Variants in EIF2AK4 observed in about 807,000 individuals in gnomAD.
EIF2AK4 encodes the protein eukaryotic translation initiation factor 2 alpha kinase 4.
EIF2AK4 carries 139 observed loss-of-function variants against 211.1 expected under a neutral mutation model. The ratio of observed to expected loss-of-function variants is 0.66; its 90% CI spans 0.57 to 0.76. The LOEUF is 0.76. Ranked by LOEUF, EIF2AK4 falls within the 30% of genes least tolerant of loss-of-function variation. EIF2AK4 has a pLI of 0.00. For synonymous variants in EIF2AK4, 710 were observed against 751.3 expected, an observed-to-expected ratio of 0.94 and a Z score of 0.90; for missense variants, 1,664 against 2,043.8, an observed-to-expected ratio of 0.81 and a Z score of 3.58.
chr15:39,934,331 T>G lies in EIF2AK4; in HGVS notation c.136T>G (p.Cys46Gly). Residue 46 changes from cysteine to glycine, a missense_variant, in exon 1 of 39, where the codon TGC becomes GGC. Around this residue, in one of 7 missense-constraint regions of EIF2AK4, gnomAD observed 641 missense variants for 729.6 expected, o/e 0.88. Transcript: ENST00000263791. ...CTTCCAAGACCTGCGGCCGGACGCT[T>G]GCGGACCGGTAGGAACGTGGCTTGT... ...ADFQDLRPDACGPVKEPPEIN... is the reference protein window; with the variant it reads ...ADFQDLRPDAGGPVKEPPEIN... The G allele has an allele frequency of 6.2e-7, 1 of 1,608,344 alleles. No individual in the cohort carries two copies. Among genetic ancestry groups the G allele is most frequent in the South Asian group, 1.1e-5 (1 of 90,064 alleles).
At chr15:40,022,810 T>G (rs997453794) in intron 32 of EIF2AK4, among the ~76,000 whole-genome samples, 1 of 152,062 alleles carries the variant, frequency 6.6e-6, no homozygotes, top group African/African-American at 2.4e-5. Context: ...CTCGGCTCAC[T>G]GCAAGCTCCG....
chr15:39,942,863 G>T (rs774324483), intron 2 of EIF2AK4, among the ~76,000 whole-genome samples: 8 of 152,162 alleles, frequency 5.3e-5, no homozygotes, highest in Non-Finnish European at 1.0e-4. Context: ...ATTTATTCTT[G>T]TTCTGCTTTA....
intron 4 of EIF2AK4, among the ~76,000 whole-genome samples, chr15:39,950,809 T>C (rs1329630000): frequency 6.6e-6 from 1 of 152,068 alleles, no homozygotes; most frequent in South Asian, 2.1e-4. Flanking sequence ...CCATCTGACA[T>C]GAAAGCAGAA....
chr15:40,033,057 T>C (rs895603190), intron 37 of EIF2AK4, among the ~76,000 whole-genome samples: 1 of 152,230 alleles, frequency 6.6e-6, no homozygotes, highest in Non-Finnish European at 1.5e-5. Context: ...AAAACACATA[T>C]ACTGCTTTTA....
At chr15:39,982,812 T>A (rs2034811010) in intron 13 of EIF2AK4, among the ~76,000 whole-genome samples, 2 of 152,172 alleles carry the variant, frequency 1.3e-5, no homozygotes, top group South Asian at 4.1e-4. Context: ...TGGTTTTCTG[T>A]TCCTGTGTTA....
At position 39,943,378 on chromosome 15, in the gene EIF2AK4, TCCAG is replaced by T. The variant is rs2034176225; in HGVS notation, c.258-4_258-1del. On this transcript the variant is annotated splice_acceptor_variant and splice_polypyrimidine_tract_variant and intron_variant, in intron 2 of 38. Coordinates refer to ENST00000263791, the MANE Select transcript of EIF2AK4 (RefSeq NM_001013703.4). LOFTEE classifies it high-confidence loss of function. ...TTTTTTTTTTTTTTTTTTTGCCTTTTCCAGAGTTCCTGAAATAGAGTTAAAAAAT... is the reference window on the plus strand; with the variant it reads ...TTTTTTTTTTTTTTTTTTTGCCTTTTAGTTCCTGAAATAGAGTTAAAAAAT... The T allele has an allele frequency of 4.0e-6, 6 of 1,485,950 alleles. No individual in the cohort carries two copies. The highest frequency in any genetic ancestry group is 1.5e-5 in the African/African-American group (1 of 68,772). The allele number at this position is 1,485,950 out of a possible 1,614,324, so 92.0% of individuals were successfully genotyped here.
chr15:40,035,324 G>A lies in EIF2AK4; in HGVS notation c.*240G>A, dbSNP rs1047609734. 1.1e-5 allele frequency: 3 copies of A among 267,984 alleles called. No homozygotes were observed. The highest frequency in any genetic ancestry group is 4.4e-5 in the African/African-American group (2 of 45,290). 16.6% of individuals were successfully genotyped at this position (267,984 alleles called of 1,614,324 possible). A position where few individuals can be genotyped will look rare whatever the true frequency, so the allele number is the denominator to read the frequency against. The stretch of plus-strand genomic sequence containing the variant: ...ATCTCTATAAAAACTAAAAAAATTA[G>A]TTGGGCATGGTGGCACATGCCTGTA... On this transcript the variant is annotated 3_prime_UTR_variant, in exon 39 of 39. Coordinates refer to ENST00000263791, the MANE Select transcript of EIF2AK4 (RefSeq NM_001013703.4).
chr15:39,970,133 T>C (rs1281311706), intron 9 of EIF2AK4, among the ~76,000 whole-genome samples: 1 of 152,216 alleles, frequency 6.6e-6, no homozygotes, highest in Admixed American at 6.5e-5. Context: ...ATCACCATCC[T>C]CAGTAGTGAG....
At position 40,035,188 on chromosome 15, in the gene EIF2AK4, G is replaced by T. The variant is rs972108893; in HGVS notation, c.*104G>T. On this transcript the variant is annotated 3_prime_UTR_variant, in exon 39 of 39. Coordinates refer to ENST00000263791, the MANE Select transcript of EIF2AK4 (RefSeq NM_001013703.4). ...AATTTAAAATTAAATTCTAAGAAGAGGCTGGGTGCAGTGGCTCACACCTTT... is the reference window on the plus strand; with the variant it reads ...AATTTAAAATTAAATTCTAAGAAGATGCTGGGTGCAGTGGCTCACACCTTT... The T allele has an allele frequency of 4.6e-5, 45 of 977,798 alleles. No individual in the cohort carries two copies. Among genetic ancestry groups the T allele is most frequent in the Non-Finnish European group, 6.4e-5 (45 of 701,848 alleles). The allele number at this position is 977,798 out of a possible 1,614,324, so 60.6% of individuals were successfully genotyped here.
chr15:39,984,223 G>A (rs1200243440), intron 13 of EIF2AK4, among the ~76,000 whole-genome samples: 1 of 152,170 alleles, frequency 6.6e-6, no homozygotes, highest in African/African-American at 2.4e-5. Context: ...TTCTGTTTTA[G>A]TACCAGTACC....
At chr15:40,034,273 C>A in intron 37 of EIF2AK4, 53 bp from the exon 38 acceptor site, 4 of 1,432,054 alleles carry the variant, frequency 2.8e-6, no homozygotes, top group Non-Finnish European at 3.9e-6. Flanking sequence ...CAGAAAAAAC[C>A]AGCTAGTAAA....
intron 11 of EIF2AK4, 140 bp downstream of exon 11, chr15:39,973,889 T>C (rs1032741626): frequency 1.1e-6 from 1 of 885,706 alleles, no homozygotes; most frequent in Admixed American, 2.6e-5. Flanking sequence ...CATCCTCACC[T>C]TCCTGGAGTT....
At position 39,946,125 on chromosome 15, in the gene EIF2AK4, A is replaced by AT. The variant is rs2034224636; in HGVS notation, c.360+2643dup. Among the ~76,000 whole-genome samples, 3 of 152,234 alleles carry AT rather than the reference A, an allele frequency of 2.0e-5. No homozygotes were observed. In the South Asian group the frequency reaches 6.2e-4, roughly 31 times the overall value. ...GTAATTTTGACTTTCAAGTGTTATTATTTAAGAAATACATTTTACAAGCTT... is the reference window on the plus strand; with the variant it reads ...GTAATTTTGACTTTCAAGTGTTATTATTTTAAGAAATACATTTTACAAGCTT... On this transcript the variant is annotated intron_variant, in intron 3 of 38. Transcript: ENST00000263791.
chr15:39,967,503 C>A lies in EIF2AK4; in HGVS notation c.1177C>A (p.His393Asn). The change falls in exon 9 of 39, where the codon CAC (histidine) becomes AAC (asparagine). Residue 393 changes from histidine to asparagine, a missense_variant. His to Asn is a moderately conservative substitution (Grantham distance 68). Around this residue, in one of 7 missense-constraint regions of EIF2AK4, gnomAD observed 641 missense variants for 729.6 expected, o/e 0.88. Coordinates refer to ENST00000263791, the MANE Select transcript of EIF2AK4 (RefSeq NM_001013703.4). ...SGVSLAAHLSHSGPIPVHQLR... is the reference protein window; with the variant it reads ...SGVSLAAHLSNSGPIPVHQLR... The stretch of plus-strand genomic sequence containing the variant: ...GGTCTCTCTTGCTGCACACCTGAGC[C>A]ACTCAGGCCCCATCCCTGTGCATCA... 3 of 1,614,112 alleles carry A rather than the reference C, an allele frequency of 1.9e-6. No homozygotes were observed. The highest frequency in any genetic ancestry group is 1.7e-6 in the Non-Finnish European group (2 of 1,180,016).
chr15:39,978,273 AGAT>A, intron 13 of EIF2AK4, 126 bp downstream of exon 13: 1 of 452,182 alleles, frequency 2.2e-6, no homozygotes, highest in Non-Finnish European at 3.8e-6. Flanking sequence ...AAATTTTAAA[AGAT>A]GATTATTCAT....
chr15:39,954,087 A>G lies in EIF2AK4; in HGVS notation c.594+103A>G. ...TACTATCAGTAATACAGCTTAAAATAAAGCACTAAAAATAAATAAATATTC... is the reference window on the plus strand; with the variant it reads ...TACTATCAGTAATACAGCTTAAAATGAAGCACTAAAAATAAATAAATATTC... On this transcript the variant is annotated intron_variant, in intron 5 of 38. Transcript: ENST00000263791. The G allele has an allele frequency of 4.1e-6, 4 of 972,488 alleles. No individual in the cohort carries two copies. The South Asian group carries it at 8.9e-5, about 22-fold the overall frequency. 60.2% of individuals were successfully genotyped at this position (972,488 alleles called of 1,614,324 possible).
intron 34 of EIF2AK4, 116 bp downstream of exon 34, chr15:40,029,580 G>A (rs1037384425): frequency 1.9e-5 from 20 of 1,075,352 alleles, no homozygotes; most frequent in East Asian, 2.5e-5. Context: ...TAACATATAC[G>A]CAATAAATTG....
chr15:39,983,194 C>T (rs370609095), intron 13 of EIF2AK4, among the ~76,000 whole-genome samples: 6 of 152,324 alleles, frequency 3.9e-5, no homozygotes, highest in African/African-American at 1.2e-4. Context: ...TCTCCACATC[C>T]TCCCCAGCAT....
chr15:39,983,610 T>C (rs1187811414), intron 13 of EIF2AK4, among the ~76,000 whole-genome samples: 1 of 152,154 alleles, frequency 6.6e-6, no homozygotes, highest in African/African-American at 2.4e-5. Context: ...GCCCAGCTAA[T>C]TTTGTATTTT....
Sources: allele counts gnomAD v4.1 joint callset (sites outside exome capture counted in the v4.1 genomes callset), GRCh38; gene constraint gnomAD v4.1.1; regional missense constraint gnomAD v4.1.1; transcripts MANE v1.5; gene names NCBI Gene and HGNC (gene_info 2026-07-23, HGNC 2026-07-21).